LMTK2: variants seen among roughly 807,000 people sequenced by gnomAD.
LMTK2 encodes serine/threonine-protein kinase LMTK2.
Under a neutral mutation model 127.5 loss-of-function variants are expected in LMTK2, and 37 were observed. That is an observed-to-expected ratio of 0.29 (90% CI 0.22 to 0.38). LMTK2 has a LOEUF of 0.38. LMTK2 is among the 10% of genes least tolerant of loss of function. LMTK2 has a pLI of 1.00. For synonymous variants in LMTK2, 819 were observed against 810.1 expected (o/e 1.01, Z -0.19); for missense variants, 1,694 against 1,920.3 (o/e 0.88, Z 2.20).
At chr7:98,157,658 AAAATG>A (rs1796947872) in intron 5 of LMTK2, among the ~76,000 whole-genome samples, 1 of 152,128 alleles carries the variant, frequency 6.6e-6, no homozygotes, top group Admixed American at 6.5e-5. Flanking sequence ...AAAAAAAAAA[AAAATG>A]AACCATTGAC....
chr7:98,204,184 G>C lies in LMTK2; in HGVS notation c.4481G>C (p.Gly1494Ala), dbSNP rs769031853. ...THLTDSDIEQGGSSEDGEKD is the reference protein window; with the variant it reads ...THLTDSDIEQAGSSEDGEKD The stretch of plus-strand genomic sequence containing the variant: ...CTGACCGACTCGGACATCGAGCAGG[G>C]CGGTGAGAGGCGCTGCGTGCTGGGG... The change falls in exon 13 of 14, where the codon GGC (glycine) becomes GCC (alanine). Residue 1494 changes from glycine (G) to alanine (A), a missense_variant and splice_region_variant. Gly to Ala is a moderately conservative substitution (Grantham distance 60, BLOSUM62 0). This residue lies in a region of LMTK2 where 554 missense variants were observed against 567.7 expected (regional missense o/e 0.98). Coordinates refer to ENST00000297293, the MANE Select transcript of LMTK2 (RefSeq NM_014916.4). 1 of 1,605,124 alleles carries C rather than the reference G, an allele frequency of 6.2e-7. No individual in the cohort carries two copies. The highest frequency in any genetic ancestry group is 1.7e-5 in the Admixed American group (1 of 60,020).
At position 98,123,006 on chromosome 7, in the gene LMTK2, T is replaced by C. The variant is rs181090217; in HGVS notation, c.104-14309T>C. Among the ~76,000 whole-genome samples the C allele has an allele frequency of 2.3e-4, 35 of 152,260 alleles. No homozygotes were observed. The East Asian group carries it at 5.8e-3, about 25-fold the overall frequency. On this transcript the variant is annotated intron_variant, in intron 1 of 13. Transcript: ENST00000297293. ...CCCCCTTGATCTATTTTGTAAATTA[T>C]ATTTGCAAATGATGCATGTAAATAG...
At chr7:98,199,585 C>T (rs1797678198) in intron 11 of LMTK2, among the ~76,000 whole-genome samples, 1 of 152,160 alleles carries the variant, frequency 6.6e-6, no homozygotes, top group Non-Finnish European at 1.5e-5. Context: ...GCCTTGAGCT[C>T]CTGGGCTCAA....
At chr7:98,197,231 C>A (rs1219565465) in intron 11 of LMTK2, among the ~76,000 whole-genome samples, 1 of 152,222 alleles carries the variant, frequency 6.6e-6, no homozygotes, top group Non-Finnish European at 1.5e-5. Context: ...TGTTTTGCTT[C>A]CCCATGTGGG....
chr7:98,113,252 T>C (rs1796229577), intron 1 of LMTK2, among the ~76,000 whole-genome samples: 1 of 152,188 alleles, frequency 6.6e-6, no homozygotes, highest in Non-Finnish European at 1.5e-5. Context: ...GTAAGGACTT[T>C]TCCCCCTTTG....
At chr7:98,173,306 GTTTT>G (rs34546502) in intron 7 of LMTK2, among the ~76,000 whole-genome samples, 1 of 142,672 alleles carries the variant, frequency 7.0e-6, no homozygotes, top group African/African-American at 2.6e-5. Context: ...CTGGTAAAGT[GTTTT>G]TTTTTTTTTA....
Position 98,151,363 on chromosome 7 carries a change from A to T in LMTK2, c.377-19A>T, listed in dbSNP as rs1796851294. 3.9e-6 allele frequency: 6 copies of T among 1,549,898 alleles called. No homozygotes were observed. The highest frequency in any genetic ancestry group is 5.3e-6 in the Non-Finnish European group (6 of 1,125,462). Reference sequence around the variant, plus strand: ...ATTTAGATACTTATATTTCATTTTTAATGTTTTTTTCTCTACAGAGGGATT... The same window carrying T: ...ATTTAGATACTTATATTTCATTTTTTATGTTTTTTTCTCTACAGAGGGATT... On this transcript the variant is annotated intron_variant, in intron 3 of 13. Transcript: ENST00000297293.
At position 98,175,383 on chromosome 7, in the gene LMTK2, C is replaced by T. The variant is rs190801532; in HGVS notation, c.791+3709C>T. On this transcript the variant is annotated intron_variant, in intron 7 of 13. Transcript: ENST00000297293. ...AGTCCAGTGTTACCAGAAAAGAAGA[C>T]GCAGGAGAGAAGATAGTGGGAGATA... Among the ~76,000 whole-genome samples, 31 of 152,212 alleles carry T rather than the reference C, an allele frequency of 2.0e-4. No homozygotes were observed. In the South Asian group the frequency reaches 2.5e-3, roughly 12 times the overall value.
chr7:98,183,258 C>T (rs1323334980), intron 7 of LMTK2, among the ~76,000 whole-genome samples: 1 of 152,132 alleles, frequency 6.6e-6, no homozygotes, highest in Non-Finnish European at 1.5e-5. Context: ...CATTTTAAGT[C>T]TCATAAGAAA....
At chr7:98,113,593 C>T (rs1796235071) in intron 1 of LMTK2, among the ~76,000 whole-genome samples, 1 of 151,900 alleles carries the variant, frequency 6.6e-6, no homozygotes. Flanking sequence ...CTTTTATAGT[C>T]GACTAGCAGT....
At chr7:98,125,209 A>G (rs1796426845) in intron 1 of LMTK2, among the ~76,000 whole-genome samples, 2 of 152,136 alleles carry the variant, frequency 1.3e-5, no homozygotes, top group South Asian at 2.1e-4. Context: ...AGGCTGAGGC[A>G]GGAGAATGGC....
rs1278486525 is a variant in LMTK2 at position 98,194,886 on chromosome 7, A to G, written c.4107+314A>G. Among the ~76,000 whole-genome samples, 1 of 152,150 alleles carries G rather than the reference A, an allele frequency of 6.6e-6. No individual in the cohort carries two copies. The highest frequency in any genetic ancestry group is 1.5e-5 in the Non-Finnish European group (1 of 68,022). ...TACTTTTTTATTTTTCTTTTGAGAC[A>G]GCCTTGCTCTGTGGCCCAGGCTGGA... On this transcript the variant is annotated intron_variant, in intron 11 of 13. Transcript: ENST00000297293. The surrounding 1 kb of genome is among the most constrained non-coding windows in gnomAD (Gnocchi z 5.4).
At chr7:98,191,325 G>A (rs1797520552) in intron 10 of LMTK2, among the ~76,000 whole-genome samples, 1 of 152,068 alleles carries the variant, frequency 6.6e-6, no homozygotes. Context: ...AGGCTGAGGT[G>A]GGCAGATCAC....
rs979696822 is a variant in LMTK2 at position 98,151,526 on chromosome 7, T to A, written c.450+71T>A. On this transcript the variant is annotated intron_variant, in intron 4 of 13. Transcript: ENST00000297293. ...TGTTCAGTGCAGGGCTGATGAAGAA[T>A]TGTGTTGTGTGGAGTTCCACGTGCC... 4 of 1,272,442 alleles carry A rather than the reference T, an allele frequency of 3.1e-6. No individual in the cohort carries two copies. In the Admixed American group the frequency reaches 5.5e-5, roughly 17 times the overall value. 78.8% of individuals were successfully genotyped at this position (1,272,442 alleles called of 1,614,324 possible). A position where few individuals can be genotyped will look rare whatever the true frequency, so the allele number is the denominator to read the frequency against.
chr7:98,195,383 G>C (rs923464847), intron 11 of LMTK2, among the ~76,000 whole-genome samples: 1 of 152,040 alleles, frequency 6.6e-6, no homozygotes, highest in Admixed American at 6.6e-5. Flanking sequence ...CTCTTTCCCT[G>C]CTTTGGAGCA....
chr7:98,122,726 G>GTGTGTGTA (rs1416979353), intron 1 of LMTK2, among the ~76,000 whole-genome samples: 5 of 14,204 alleles, frequency 3.5e-4, no homozygotes, highest in African/African-American at 8.9e-4. Context: ...GTGTGTGTGT[G>GTGTGTGTA]TATATATATA....
At chr7:98,198,936 AAT>A (rs1797670649) in intron 11 of LMTK2, among the ~76,000 whole-genome samples, 1 of 152,282 alleles carries the variant, frequency 6.6e-6, no homozygotes, top group African/African-American at 2.4e-5. Flanking sequence ...AGTATAGTTT[AAT>A]ATATTAGTTA....
rs944808629 is a variant in LMTK2, at chr7:98,107,232, C to G, written c.55C>G (p.Leu19Val). The G allele has an allele frequency of 4.1e-5, 60 of 1,461,810 alleles. No homozygotes were observed. Among genetic ancestry groups the G allele is most frequent in the Non-Finnish European group, 5.2e-5 (58 of 1,114,374 alleles). The allele number at this position is 1,461,810 out of a possible 1,614,324, so 90.6% of individuals were successfully genotyped here. Residue 19 changes from leucine (L) to valine (V), a missense_variant, in exon 1 of 14, where the codon CTG (leucine) becomes GTG (valine). Transcript: ENST00000297293. ...GCTGCTGCTGCTGCTGCTGGTCCTCCTGATCGCCGGCAGTGCTGGGGCCGC... is the reference window on the plus strand; with the variant it reads ...GCTGCTGCTGCTGCTGCTGGTCCTCGTGATCGCCGGCAGTGCTGGGGCCGC... ...RRLLLLLLVL[L>V]IAGSAGAAPL...
At chr7:98,162,735 A>G (rs148293307) in intron 6 of LMTK2, among the ~76,000 whole-genome samples, 531 of 152,364 alleles carry the variant, frequency 3.5e-3, no homozygotes, top group African/African-American at 0.013. Flanking sequence ...TTAAAAATAC[A>G]ATTACCATAT....
Sources: gnomAD v4.1 joint callset for allele counts (sites outside exome capture counted in the v4.1 genomes callset) on GRCh38, gnomAD v4.1.1 for gene constraint, gnomAD v4.1.1 regional missense constraint, Gnocchi (gnomAD v3.1) non-coding constraint, MANE v1.5 for transcripts, NCBI Gene and HGNC (gene_info 2026-07-23, HGNC 2026-07-21) for gene names.